Variants in TANC2 observed in about 807,000 individuals in gnomAD.
The protein encoded by TANC2 is tetratricopeptide repeat, ankyrin repeat and coiled-coil containing 2, also known as protein TANC2.
A neutral mutation model predicts 210.5 loss-of-function variants in TANC2; 26 were observed. The observed-to-expected ratio is 0.12, with a 90% CI of 0.09 to 0.17. The LOEUF is 0.17. Ranked by LOEUF, TANC2 falls within the 10% of genes least tolerant of loss-of-function variation. The pLI, the probability that TANC2 is intolerant of heterozygous loss-of-function variation, is 1.00. For synonymous variants in TANC2, 931 were observed against 967.1 expected, an observed-to-expected ratio of 0.96 and a Z score of 0.69; for missense variants, 2,129 against 2,608.9, an observed-to-expected ratio of 0.82 and a Z score of 4.01.
At chr17:63,088,122 T>C (rs1039884557) in intron 3 of TANC2, 1 of 152,204 alleles carries the variant, frequency 6.6e-6, no homozygotes, top group African/African-American at 2.4e-5. Flanking sequence ...TTTTCAAATA[T>C]ATGTCCTTAC....
At chr17:63,160,630 A>G (rs1330796763) in intron 5 of TANC2, among the ~76,000 whole-genome samples, 1 of 152,198 alleles carries the variant, frequency 6.6e-6, no homozygotes, top group Non-Finnish European at 1.5e-5. Flanking sequence ...TTGCTGAATG[A>G]TTGTTCATAT....
chr17:63,129,204 G>T (rs1462833374), intron 4 of TANC2, among the ~76,000 whole-genome samples: 1 of 151,828 alleles, frequency 6.6e-6, no homozygotes, highest in Non-Finnish European at 1.5e-5. Flanking sequence ...AGATCTCACT[G>T]TGCTGCCCCG....
At chr17:62,988,398 G>A (rs935398541) in intron 1 of TANC2, among the ~76,000 whole-genome samples, 4 of 150,066 alleles carry the variant, frequency 2.7e-5, no homozygotes, top group Admixed American at 6.7e-5. Context: ...TCGGCTTCCC[G>A]AAGTGCTGGG....
intron 11 of TANC2, among the ~76,000 whole-genome samples, chr17:63,339,428 A>C (rs2046152977): frequency 6.6e-6 from 1 of 152,220 alleles, no homozygotes; most frequent in Admixed American, 6.5e-5. Context: ...CAGGCAGCCC[A>C]GACCCTGGAT....
intron 19 of TANC2, among the ~76,000 whole-genome samples, chr17:63,402,189 C>T (rs957532277): frequency 2.6e-5 from 4 of 152,124 alleles, no homozygotes; most frequent in Non-Finnish European, 5.9e-5. Context: ...TATTCATGCT[C>T]TCCCTTGGCC....
At chr17:63,426,733 G>A (rs949468855) in exon 28 of TANC2, 40 of 152,248 alleles carry the variant, frequency 2.6e-4, no homozygotes, top group African/African-American at 8.0e-4. Context: ...CGCTGGACGC[G>A]TAGAGATCAG....
intron 5 of TANC2, among the ~76,000 whole-genome samples, chr17:63,157,312 A>G (rs73323718): frequency 0.021 from 3,207 of 152,278 alleles, 104 homozygotes; most frequent in African/African-American, 0.072. Flanking sequence ...TTAGAAGGTT[A>G]ATAATCTCAT....
chr17:63,419,226 G>A (rs1293576220), intron 27 of TANC2, among the ~76,000 whole-genome samples: 1 of 152,088 alleles, frequency 6.6e-6, no homozygotes, highest in Admixed American at 6.5e-5. Context: ...GGCAGTGATC[G>A]CACTCTTACC....
chr17:63,128,500 TGCAGTTTACACAAAAAAGAAAA>T (rs2038795390), intron 4 of TANC2, among the ~76,000 whole-genome samples: 1 of 152,240 alleles, frequency 6.6e-6, no homozygotes, highest in Non-Finnish European at 1.5e-5. Context: ...TACATTTTAG[TGCAGTTTACACAAAAAAGAAAA>T]GTTGGAATTC....
At chr17:63,152,670 A>T (rs1046667148) in intron 5 of TANC2, 2 of 152,116 alleles carry the variant, frequency 1.3e-5, no homozygotes, top group African/African-American at 4.8e-5. Context: ...TGTACTTTGC[A>T]TTTCTTCATG....
At chr17:63,400,552 GACTT>G (rs1291410754) in intron 19 of TANC2, among the ~76,000 whole-genome samples, 1 of 152,002 alleles carries the variant, frequency 6.6e-6, no homozygotes, top group Non-Finnish European at 1.5e-5. Context: ...TGTTGTGTTT[GACTT>G]ATGCATATAT....
Position 63,344,378 on chromosome 17 carries a change from A to G in TANC2, c.1807+4046A>G, listed in dbSNP as rs79139615. Among the ~76,000 whole-genome samples the G allele has an allele frequency of 2.5e-3, 384 of 152,318 alleles. 1 individual carries two copies. The highest frequency in any genetic ancestry group is 4.2e-3 in the Non-Finnish European group (285 of 68,024). On this transcript the variant is annotated intron_variant, in intron 12 of 27. Transcript: ENST00000689528. ...GTTTAGTCTGATAAAGGACAACTCC[A>G]AAAATACATGTAGTGAAATGTTGAA...
chr17:63,373,727 T>A lies in TANC2; in HGVS notation c.2583-5991T>A, dbSNP rs545497631. 8.5e-5 allele frequency among the ~76,000 whole-genome samples: 13 copies of A among 152,310 alleles called. No homozygotes were observed. In the East Asian group the frequency reaches 2.5e-3, roughly 29 times the overall value. ...TGGGTGCAGTGACTCAGGCCTGTAA[T>A]CCCAACAGTTTGGGAGGCCAAGCCG... On this transcript the variant is annotated intron_variant, in intron 14 of 27. Coordinates refer to ENST00000689528, the Ensembl canonical transcript of TANC2.
chr17:63,240,744 C>A (rs2042751041), intron 8 of TANC2, among the ~76,000 whole-genome samples: 1 of 152,194 alleles, frequency 6.6e-6, no homozygotes, highest in Admixed American at 6.5e-5. Flanking sequence ...GAGGCAACTA[C>A]CAAACTATCT....
chr17:63,234,140 T>C lies in TANC2; in HGVS notation c.770-3674T>C, dbSNP rs2042555009. Among the ~76,000 whole-genome samples the C allele has an allele frequency of 2.0e-5, 3 of 152,162 alleles. No individual in the cohort carries two copies. In the South Asian group the frequency reaches 6.2e-4, roughly 32 times the overall value. On this transcript the variant is annotated intron_variant, in intron 7 of 27. Coordinates refer to ENST00000689528, the Ensembl canonical transcript of TANC2. ...GTACCTATTTAATTGTTTCACAGTA[T>C]CCTAAAATATTATAGAAAGCCTGAT... is the stretch of plus-strand genomic sequence containing the variant.
intron 4 of TANC2, among the ~76,000 whole-genome samples, chr17:63,108,663 G>T (rs1280148130): frequency 1.3e-5 from 2 of 151,496 alleles, no homozygotes; most frequent in Non-Finnish European, 2.9e-5. Context: ...ACAAAAATCA[G>T]CTGGGTGTGG....
At chr17:63,046,523 G>A (rs1161141540) in intron 2 of TANC2, among the ~76,000 whole-genome samples, 1 of 151,288 alleles carries the variant, frequency 6.6e-6, no homozygotes, top group African/African-American at 2.4e-5. Context: ...GTAGAGACAG[G>A]GTTTCACCGT....
chr17:63,369,329 A>G (rs868198433), intron 14 of TANC2, among the ~76,000 whole-genome samples: 14 of 152,274 alleles, frequency 9.2e-5, no homozygotes, highest in South Asian at 2.1e-4. Context: ...TAGGGAATCT[A>G]TCGATGATAC....
intron 2 of TANC2, among the ~76,000 whole-genome samples, chr17:63,019,061 C>T (rs1218892512): frequency 1.3e-5 from 2 of 152,040 alleles, no homozygotes; most frequent in Non-Finnish European, 2.9e-5. Flanking sequence ...GGCAAATGTC[C>T]GGGAGTGCAA....
Sources: gnomAD v4.1 joint callset for allele counts (sites outside exome capture counted in the v4.1 genomes callset) on GRCh38, gnomAD v4.1.1 for gene constraint, MANE v1.5 for transcripts, NCBI Gene and HGNC (gene_info 2026-07-23, HGNC 2026-07-21) for gene names.